Variants in SLC17A1 observed in about 807,000 individuals in gnomAD.
The protein encoded by SLC17A1 is solute carrier family 17 member 1.
A neutral mutation model predicts 53.5 loss-of-function variants in SLC17A1; 51 were observed. The ratio of observed to expected loss-of-function variants is 0.95; its 90% CI spans 0.76 to 1.20. SLC17A1 has a LOEUF of 1.20. Ranked by LOEUF, SLC17A1 falls within the 50% of genes most tolerant of loss-of-function variation. The pLI, the probability that SLC17A1 is intolerant of heterozygous loss-of-function variation, is 0.00. For synonymous variants in SLC17A1, 179 were observed against 198.8 expected, an observed-to-expected ratio of 0.90 and a Z score of 0.84; for missense variants, 538 against 568.2, an observed-to-expected ratio of 0.95 and a Z score of 0.54.
chr6:25,828,195 A>C (rs1385397190), intron 2 of SLC17A1, among the ~76,000 whole-genome samples: 1 of 152,140 alleles, frequency 6.6e-6, no homozygotes, highest in African/African-American at 2.4e-5. Context: ...TCGATCCATA[A>C]AGGTTCTGAA....
chr6:25,728,456 G>T, the SLC17A1 span, among the ~76,000 whole-genome samples: 1 of 152,044 alleles, frequency 6.6e-6, no homozygotes, highest in Non-Finnish European at 1.5e-5. Flanking sequence ...TTTGTTTAAC[G>T]CATCTTCATT....
intron 6 of SLC17A1, among the ~76,000 whole-genome samples, chr6:25,817,038 G>T (rs1159268244): frequency 6.6e-6 from 1 of 151,862 alleles, no homozygotes; most frequent in Non-Finnish European, 1.5e-5. Flanking sequence ...TAGTAGAGAT[G>T]GGGTTTCACC....
chr6:25,773,711 A>G, the SLC17A1 span: 2 of 1,594,732 alleles, frequency 1.3e-6, no homozygotes, highest in African/African-American at 2.7e-5. Flanking sequence ...TCTTCTGTTT[A>G]AATGCTTAAA....
At chr6:25,807,692 A>G (rs1406376573) in intron 10 of SLC17A1, among the ~76,000 whole-genome samples, 1 of 151,908 alleles carries the variant, frequency 6.6e-6, no homozygotes, top group Non-Finnish European at 1.5e-5. Flanking sequence ...CCCCAGTTAT[A>G]AGTGAGAACA....
chr6:25,759,376 G>C, the SLC17A1 span, among the ~76,000 whole-genome samples: 1 of 152,138 alleles, frequency 6.6e-6, no homozygotes, highest in African/African-American at 2.4e-5. Flanking sequence ...TTGATGACCT[G>C]TCTAGTGCTG....
chr6:25,726,410 A>T, the SLC17A1 span: 1 of 1,614,116 alleles, frequency 6.2e-7, no homozygotes, highest in Non-Finnish European at 8.5e-7. Context: ...CGCTCTGCAT[A>T]GTTTCCCTTA....
chr6:25,732,655 G>A, the SLC17A1 span: 1 of 1,320,830 alleles, frequency 7.6e-7, no homozygotes. Flanking sequence ...GGAACAAGAA[G>A]AAGACCCGCA....
At chr6:25,727,434 C>CA in the SLC17A1 span, 1 of 699,522 alleles carries the variant, frequency 1.4e-6, no homozygotes, top group South Asian at 2.4e-5. Flanking sequence ...CTCACTCTCC[C>CA]AGGCTGGAGT....
chr6:25,734,651 C>T, the SLC17A1 span, among the ~76,000 whole-genome samples: 3 of 152,210 alleles, frequency 2.0e-5, no homozygotes, highest in Non-Finnish European at 4.4e-5. Flanking sequence ...CAGGATCCAT[C>T]TACGAGTGTA....
chr6:25,726,101 C>T, the SLC17A1 span: 2 of 1,501,578 alleles, frequency 1.3e-6, no homozygotes, highest in South Asian at 1.4e-5. Context: ...TTTTCTGACA[C>T]AGAAGTCTTT....
chr6:25,776,861 C>A, the SLC17A1 span: 1 of 1,613,994 alleles, frequency 6.2e-7, no homozygotes, highest in African/African-American at 1.3e-5. Flanking sequence ...GGGTCAGATC[C>A]AGCCACAGCA....
chr6:25,790,160 C>A (rs201240678), intron 12 of SLC17A1, among the ~76,000 whole-genome samples: 1 of 152,090 alleles, frequency 6.6e-6, no homozygotes, highest in Non-Finnish European at 1.5e-5. Context: ...TCCCTTAAGT[C>A]ATCTTTGTTC....
the SLC17A1 span, chr6:25,777,108 C>A: frequency 1.2e-6 from 1 of 867,762 alleles, no homozygotes; most frequent in South Asian, 2.0e-5. Context: ...TAAATAATTC[C>A]TGGAAGAGAC....
rs550260424 is a variant in SLC17A1, at chr6:25,830,542, G to A, written c.16C>T (p.Arg6Trp). MQMDN[R>W]LPPKKVPGFC... is the part of the protein sequence containing the mutation. ...GTGCTACCTTTTTTGGGAGGCAACCGGTTATCCATTTGCATACACGGCTGA... is the reference window on the plus strand; with the variant it reads ...GTGCTACCTTTTTTGGGAGGCAACCAGTTATCCATTTGCATACACGGCTGA... The change falls in exon 2 of 13, where the codon CGG becomes TGG. Residue 6 changes from arginine (R) to tryptophan (W), a missense_variant. Physicochemically the swap from Arg to Trp is moderately radical, Grantham distance 101. Transcript: ENST00000244527. The A allele has an allele frequency of 2.3e-5, 37 of 1,613,690 alleles. No homozygotes were observed. The South Asian group carries it at 2.5e-4, about 11-fold the overall frequency.
intron 3 of SLC17A1, among the ~76,000 whole-genome samples, chr6:25,824,197 C>G: frequency 6.6e-6 from 1 of 151,626 alleles, no homozygotes; most frequent in East Asian, 1.9e-4. Flanking sequence ...TATGCAACAA[C>G]AAAAGCACAA....
chr6:25,724,820 C>A, the SLC17A1 span, among the ~76,000 whole-genome samples: 10 of 152,194 alleles, frequency 6.6e-5, no homozygotes, highest in Non-Finnish European at 1.2e-4. Context: ...GTTGCCATTT[C>A]TGTTTTCAAA....
the SLC17A1 span, among the ~76,000 whole-genome samples, chr6:25,740,877 G>C: frequency 1.3e-5 from 2 of 152,292 alleles, no homozygotes; most frequent in African/African-American, 4.8e-5. Context: ...TAGCAGCAAC[G>C]TGGGCGAACC....
At chr6:25,726,563 A>G in the SLC17A1 span, 261 of 1,580,964 alleles carry the variant, frequency 1.7e-4, 2 homozygotes, top group South Asian at 2.7e-3. Context: ...CGAGAACCAC[A>G]TTTCTAGGGC....
downstream of SLC17A1, chr6:25,780,456 G>C (rs1383382631): frequency 6.6e-6 from 1 of 152,224 alleles, no homozygotes; most frequent in Non-Finnish European, 1.5e-5. Context: ...ATAGTTAACT[G>C]TTGTGGGAGA....
Sources: allele counts gnomAD v4.1 joint callset (sites outside exome capture counted in the v4.1 genomes callset), GRCh38; gene constraint gnomAD v4.1.1; transcripts MANE v1.5; gene names NCBI Gene and HGNC (gene_info 2026-07-23, HGNC 2026-07-21).